HMGCS2: variants seen among roughly 807,000 people sequenced by gnomAD.
HMGCS2 encodes the protein 3-hydroxy-3-methylglutaryl-CoA synthase 2, also known as hydroxymethylglutaryl-CoA synthase, mitochondrial.
HMGCS2 carries 50 observed loss-of-function variants against 57.4 expected under a neutral mutation model. The ratio of observed to expected loss-of-function variants is 0.87; its 90% CI spans 0.69 to 1.10. The LOEUF is 1.10. Among genes scored for constraint, HMGCS2 ranks in the 50% least tolerant of loss-of-function variants. The pLI is 0.00. For missense variants in HMGCS2, 627 were observed against 636.5 expected (o/e 0.99, Z 0.16); for synonymous variants, 254 against 245.1 (o/e 1.04, Z -0.34).
chr1:119,759,186 C>G lies in HMGCS2; in HGVS notation c.782G>C (p.Cys261Ser), dbSNP rs1652950860. The change falls in exon 4 of 10, where the codon TGC (cysteine) becomes TCC (serine). Residue 261 changes from cysteine to serine, a missense_variant. By Grantham distance (112) the Cys-to-Ser change is moderately radical (BLOSUM62 -1). Coordinates refer to ENST00000369406, the MANE Select transcript of HMGCS2 (RefSeq NM_005518.4). ...ACATCGATCCAAGGCCCGCAAGTAG[C>G]ACTGGATGGAAAGCTTCCCATCCAC... ...PIVDGKLSIQ[C>S]YLRALDRCYT... is the part of the protein sequence containing the mutation. 1 of 1,614,176 alleles carries G rather than the reference C, an allele frequency of 6.2e-7. No homozygotes were observed. Among genetic ancestry groups the G allele is most frequent in the South Asian group, 1.1e-5 (1 of 91,076 alleles).
chr1:119,760,114 G>T, intron 2 of HMGCS2, 125 bp from the exon 3 acceptor site: 1 of 880,628 alleles, frequency 1.1e-6, no homozygotes, highest in South Asian at 1.5e-5. Flanking sequence ...AAAAATCCCA[G>T]TCCTGTGGAG....
In HMGCS2 at chr1:119,768,838, G is replaced by C. The variant is rs750380692; in HGVS notation, c.7C>G (p.Arg3Gly). MQ[R>G]LLTPVKRILQ... ...ATGCGCTTCACTGGAGTCAACAGAC[G>C]CTGCATCTCCAGAGGAGCAAGCAGA... Residue 3 changes from arginine to glycine, a missense_variant, in exon 1 of 10, where the codon CGT becomes GGT. By Grantham distance (125) the Arg-to-Gly change is moderately radical (BLOSUM62 -2). Coordinates refer to ENST00000369406, the MANE Select transcript of HMGCS2 (RefSeq NM_005518.4). The C allele has an allele frequency of 8.7e-6, 14 of 1,612,420 alleles. No individual in the cohort carries two copies. Among genetic ancestry groups the C allele is most frequent in the Non-Finnish European group, 1.1e-5 (13 of 1,178,612 alleles).
At position 119,748,481 on chromosome 1, in the gene HMGCS2, AAT is replaced by A. The variant is rs1438745411; in HGVS notation, c.*364_*365del. 2 of 151,702 alleles carry A rather than the reference AAT, an allele frequency of 1.3e-5. No individual in the cohort carries two copies. Among genetic ancestry groups the A allele is most frequent in the Non-Finnish European group, 2.9e-5 (2 of 67,822 alleles). The allele number at this position is 151,702 out of a possible 1,614,324, so 9.4% of individuals were successfully genotyped here. ...ACAGAAGTTTAACAATATTAATAAT[AAT>A]AAAGTTCTAACACATGACAGGAAAG... On this transcript the variant is annotated 3_prime_UTR_variant, in exon 10 of 10. Transcript: ENST00000369406.
chr1:119,749,285 A>G (rs1013449378), intron 9 of HMGCS2, among the ~76,000 whole-genome samples: 4 of 152,024 alleles, frequency 2.6e-5, no homozygotes, highest in Middle Eastern at 3.2e-3. Flanking sequence ...CTTGTCTACC[A>G]TGAGAGGGAG....
At chr1:119,761,673 A>G (rs1325168408) in intron 2 of HMGCS2, among the ~76,000 whole-genome samples, 1 of 151,900 alleles carries the variant, frequency 6.6e-6, no homozygotes, top group East Asian at 1.9e-4. Flanking sequence ...GCTGAGACAG[A>G]AGAATCGCTT....
At chr1:119,752,750 A>G in intron 7 of HMGCS2, 76 bp from the exon 8 acceptor site, 1 of 1,559,416 alleles carries the variant, frequency 6.4e-7, no homozygotes. Context: ...TTCAACAGAG[A>G]GCCAGGTTCT....
chr1:119,757,261 A>G lies in HMGCS2; in HGVS notation c.1016+12T>C, dbSNP rs374443716. On this transcript the variant is annotated intron_variant, in intron 5 of 9. Transcript: ENST00000369406. ...CTCACCAGCCTCTAGGCTCCCCAAG[A>G]AGAGAACTCACCCGAAAGCCTCCAG... is the stretch of plus-strand genomic sequence containing the variant. 1.9e-6 allele frequency: 3 copies of G among 1,613,906 alleles called. No homozygotes were observed. In the African/African-American group the frequency reaches 4.0e-5, roughly 22 times the overall value.
chr1:119,752,989 T>C (rs1329959068), intron 7 of HMGCS2, among the ~76,000 whole-genome samples: 1 of 152,200 alleles, frequency 6.6e-6, no homozygotes, highest in Admixed American at 6.5e-5. Context: ...TCAGTTGCAA[T>C]CAAACCACCA....
rs927944310 is a variant in HMGCS2 at position 119,750,837 on chromosome 1, G to C, written c.1492C>G (p.Gln498Glu). 1 of 1,613,944 alleles carries C rather than the reference G, an allele frequency of 6.2e-7. No homozygotes were observed. Among genetic ancestry groups the C allele is most frequent in the East Asian group, 2.2e-5 (1 of 44,886 alleles). ...CGCCGGGCATACTTTCGGCGATGCT[G>C]CTCGTCCACTCGCTCCAGGTACCAA... ...GTWYLERVDE[Q>E]HRRKYARRPV is the part of the protein sequence containing the mutation. Residue 498 changes from glutamine to glutamate, a missense_variant, in exon 9 of 10, where the codon CAG becomes GAG. Gln to Glu is a conservative substitution (Grantham distance 29). Transcript: ENST00000369406.
intron 1 of HMGCS2, among the ~76,000 whole-genome samples, chr1:119,767,394 G>A (rs1382379166): frequency 2.0e-5 from 3 of 152,164 alleles, no homozygotes; most frequent in Non-Finnish European, 4.4e-5. Flanking sequence ...AGGGGCAGTG[G>A]CCACGGCAGG....
At position 119,757,290 on chromosome 1, in the gene HMGCS2, C is replaced by G; in HGVS notation, c.999G>C (p.Lys333Asn). 6.2e-7 allele frequency: 1 copy of G among 1,614,202 alleles called. No individual in the cohort carries two copies. Among genetic ancestry groups the G allele is most frequent in the Non-Finnish European group, 8.5e-7 (1 of 1,180,028 alleles). ...GAACTCACCCGAAAGCCTCCAGCCC[C>G]TTATATAAGCTGGTTTGTGTGTCAC... is the stretch of plus-strand genomic sequence containing the variant. ...ASSDTQTSLYKGLEAFGGLKL... is the reference protein window; with the variant it reads ...ASSDTQTSLYNGLEAFGGLKL... The change falls in exon 5 of 10, where the codon AAG becomes AAC. Residue 333 changes from lysine (K) to asparagine (N), a missense_variant. Coordinates refer to ENST00000369406, the MANE Select transcript of HMGCS2 (RefSeq NM_005518.4).
At chr1:119,764,081 G>A (rs1256157681) in intron 2 of HMGCS2, 91 bp downstream of exon 2, 1 of 1,083,458 alleles carries the variant, frequency 9.2e-7, no homozygotes, top group Non-Finnish European at 1.4e-6. Flanking sequence ...TTCACTAGAT[G>A]AAGCCACCTG....
chr1:119,759,238 G>A lies in HMGCS2; in HGVS notation c.730C>T (p.Pro244Ser), dbSNP rs1652954795. 1 of 1,613,958 alleles carries A rather than the reference G, an allele frequency of 6.2e-7. No homozygotes were observed. Among genetic ancestry groups the A allele is most frequent in the African/African-American group, 1.3e-5 (1 of 74,910 alleles). ...ATTGGGTACTCCGAGGCCAAATTTG[G>A]TTTGTAGAAGTCATACACATTCTCC... ...HMENVYDFYK[P>S]NLASEYPIVD... Residue 244 changes from proline to serine, a missense_variant, in exon 4 of 10, where the codon CCA (proline) becomes TCA (serine). By Grantham distance (74) the Pro-to-Ser change is moderately conservative. Coordinates refer to ENST00000369406, the MANE Select transcript of HMGCS2 (RefSeq NM_005518.4).
In HMGCS2 at chr1:119,757,409, C is replaced by T. The variant is rs144103604; in HGVS notation, c.880G>A (p.Asp294Asn). The T allele has an allele frequency of 2.8e-5, 45 of 1,613,986 alleles. No homozygotes were observed. The highest frequency in any genetic ancestry group is 3.5e-5 in the Non-Finnish European group (41 of 1,180,008). ...AGSDRPFTLD[D>N]LQYMIFHTPF... ...GTATGAAAGATCATGTACTGTAAATCGTCAAGGGTGAAGGGTCGATCGCTG... is the reference window on the plus strand; with the variant it reads ...GTATGAAAGATCATGTACTGTAAATTGTCAAGGGTGAAGGGTCGATCGCTG... The change falls in exon 5 of 10, where the codon GAT (aspartate) becomes AAT (asparagine). Residue 294 changes from aspartate (D) to asparagine (N), a missense_variant. Asp to Asn is a conservative substitution (Grantham distance 23, BLOSUM62 1). Transcript: ENST00000369406.
intron 1 of HMGCS2, among the ~76,000 whole-genome samples, chr1:119,767,909 A>G (rs1415344019): frequency 6.6e-6 from 1 of 152,236 alleles, no homozygotes; most frequent in Admixed American, 6.5e-5. Flanking sequence ...TGAAAAATAT[A>G]AGAAAGCTAT....
intron 5 of HMGCS2, among the ~76,000 whole-genome samples, chr1:119,756,038 G>A (rs1258471011): frequency 1.3e-5 from 2 of 152,112 alleles, no homozygotes; most frequent in Non-Finnish European, 2.9e-5. Flanking sequence ...ACAGCGAATA[G>A]GTAGGTGTTC....
rs1192588265 is a variant in HMGCS2 at position 119,755,415 on chromosome 1, T to C, written c.1187+12A>G. On this transcript the variant is annotated intron_variant, in intron 6 of 9. Coordinates refer to ENST00000369406, the MANE Select transcript of HMGCS2 (RefSeq NM_005518.4). ...TGTGCATGGAGGACATGGAGCCAGA[T>C]GCAGTACTCACTGGGACAGAAGCGA... 6.2e-7 allele frequency: 1 copy of C among 1,613,404 alleles called. No homozygotes were observed. The highest frequency in any genetic ancestry group is 8.5e-7 in the Non-Finnish European group (1 of 1,179,648).
At position 119,764,380 on chromosome 1, in the gene HMGCS2, T is replaced by C. The variant is rs928663340; in HGVS notation, c.351A>G (p.Ile117Met). The C allele has an allele frequency of 6.2e-6, 10 of 1,614,130 alleles. No individual in the cohort carries two copies. Among genetic ancestry groups the C allele is most frequent in the Non-Finnish European group, 8.5e-6 (10 of 1,180,038 alleles). The change falls in exon 2 of 10, where the codon ATA (isoleucine) becomes ATG (methionine). Residue 117 changes from isoleucine to methionine, a missense_variant. Coordinates refer to ENST00000369406, the MANE Select transcript of HMGCS2 (RefSeq NM_005518.4). ...LTVVQRLMER[I>M]QLPWDSVGRL... The stretch of plus-strand genomic sequence containing the variant: ...TGCCCACAGAGTCCCATGGGAGCTG[T>C]ATGCGCTCCATCAGCCGTTGCACCA...
At chr1:119,760,029 A>C in intron 2 of HMGCS2, 40 bp from the exon 3 acceptor site, 1 of 1,600,900 alleles carries the variant, frequency 6.2e-7, no homozygotes, top group African/African-American at 1.3e-5. Context: ...TCATTACCAA[A>C]TCTAGAGTAG....
Sources: allele counts gnomAD v4.1 joint callset (sites outside exome capture counted in the v4.1 genomes callset), GRCh38; gene constraint gnomAD v4.1.1; transcripts MANE v1.5; gene names NCBI Gene and HGNC (gene_info 2026-07-23, HGNC 2026-07-21).